Variants in BRD2 observed in about 807,000 individuals in gnomAD.
The protein encoded by BRD2 is bromodomain-containing protein 2.
BRD2 carries 15 observed loss-of-function variants against 79.1 expected under a neutral mutation model. The ratio of observed to expected loss-of-function variants is 0.19; its 90% CI spans 0.13 to 0.29. The LOEUF (loss-of-function observed/expected upper bound fraction) is 0.29. BRD2 is among the 10% of genes least tolerant of loss of function. The probability of loss-of-function intolerance (pLI) is 1.00; values close to 1 mark genes in which losing one functional copy is unlikely to be tolerated. For missense variants in BRD2, 1,053 were observed against 991.3 expected (o/e 1.06, Z -0.84); for synonymous variants, 488 against 358.6 (o/e 1.36, Z -4.08).
chr6:32,972,406 T>G lies in BRD2; in HGVS notation c.-493T>G. The G allele has an allele frequency of 3.5e-6, 1 of 288,666 alleles. No individual in the cohort carries two copies. 17.9% of individuals were successfully genotyped at this position (288,666 alleles called of 1,614,324 possible). A position where few individuals can be genotyped will look rare whatever the true frequency, so the allele number is the denominator to read the frequency against. Reference sequence around the variant, plus strand: ...CTCCCCTTTTTCGGGCCCCGCCCAATCCTCGGAGTCTGTCCACCCCCTCTA... The same window carrying G: ...CTCCCCTTTTTCGGGCCCCGCCCAAGCCTCGGAGTCTGTCCACCCCCTCTA... On this transcript the variant is annotated 5_prime_UTR_variant, in exon 2 of 13. Coordinates refer to ENST00000374825, the MANE Select transcript of BRD2 (RefSeq NM_005104.4).
intron 10 of BRD2, 188 bp downstream of exon 10, chr6:32,978,576 T>C: frequency 1.6e-5 from 15 of 935,236 alleles, no homozygotes; most frequent in Non-Finnish European, 2.0e-5. Flanking sequence ...AGACAGGGTT[T>C]GAGGGGATGG....
chr6:32,969,472 A>C, intron 1 of BRD2: 1 of 621,956 alleles, frequency 1.6e-6, no homozygotes, highest in Non-Finnish European at 3.0e-6. Context: ...CATGTTGTGA[A>C]CTGAGGTTGT....
chr6:32,972,333 T>C lies in BRD2; in HGVS notation c.-566T>C. On this transcript the variant is annotated 5_prime_UTR_variant, in exon 2 of 13. Transcript: ENST00000374825. Reference sequence around the variant, plus strand: ...CTTGGAAATGGCCTTCGTCCCGGCCTATGACTGGTCCCAGCGGGCAGTACA... The same window carrying C: ...CTTGGAAATGGCCTTCGTCCCGGCCCATGACTGGTCCCAGCGGGCAGTACA... The C allele has an allele frequency of 2.7e-6, 1 of 376,440 alleles. No individual in the cohort carries two copies. Among genetic ancestry groups the C allele is most frequent in the Non-Finnish European group, 5.1e-6 (1 of 196,914 alleles). 23.3% of individuals were successfully genotyped at this position (376,440 alleles called of 1,614,324 possible). A position where few individuals can be genotyped will look rare whatever the true frequency, so the allele number is the denominator to read the frequency against.
chr6:32,976,361 C>T lies in BRD2; in HGVS notation c.722C>T (p.Pro241Leu). ...ATACCTACCACTGTCCTCAACATTCCCCACCCATCAGTCATTTCCTCTCCA... is the reference window on the plus strand; with the variant it reads ...ATACCTACCACTGTCCTCAACATTCTCCACCCATCAGTCATTTCCTCTCCA... ...PEIPTTVLNI[P>L]HPSVISSPLL... Residue 241 changes from proline (P) to leucine (L), a missense_variant, in exon 6 of 13, where the codon CCC (proline) becomes CTC (leucine). Physicochemically the swap from Pro to Leu is moderately conservative, Grantham distance 98. Around this residue, in one of 5 missense-constraint regions of BRD2, gnomAD observed 413 missense variants for 335.1 expected, o/e 1.23. Coordinates refer to ENST00000374825, the MANE Select transcript of BRD2 (RefSeq NM_005104.4). 6.2e-7 allele frequency: 1 copy of T among 1,613,048 alleles called. No individual in the cohort carries two copies. The highest frequency in any genetic ancestry group is 8.5e-7 in the Non-Finnish European group (1 of 1,180,038).
In BRD2 at chr6:32,977,465, C is replaced by T; in HGVS notation, c.1224C>T (p.Tyr408=). 3 of 1,613,974 alleles carry T rather than the reference C, an allele frequency of 1.9e-6. No individual in the cohort carries two copies. Among genetic ancestry groups the T allele is most frequent in the Non-Finnish European group, 2.5e-6 (3 of 1,180,038 alleles). ...AGCGGAAGATGGAGAACCGTGATTA[C>T]CGGGATGCACAGGAGTTTGCTGCTG... ...TVKRKMENRD[Y]RDAQEFAADV... is the part of the protein sequence containing the mutation. The change falls in exon 8 of 13, where the codon TAC becomes TAT. Residue 408 remains tyrosine, a synonymous_variant. Coordinates refer to ENST00000374825, the MANE Select transcript of BRD2 (RefSeq NM_005104.4).
At chr6:32,977,304 C>G in intron 7 of BRD2, 138 bp from the exon 8 acceptor site, 1 of 1,598,852 alleles carries the variant, frequency 6.3e-7, no homozygotes, top group African/African-American at 1.3e-5. Flanking sequence ...TGACTTCAAA[C>G]TTGAACCCCA....
At chr6:32,974,364 C>T (rs887676629) in intron 2 of BRD2, 98 bp from the exon 3 acceptor site, 25 of 1,287,764 alleles carry the variant, frequency 1.9e-5, no homozygotes, top group South Asian at 4.2e-5. Flanking sequence ...GCTTAACCAC[C>T]TCACTAGGGC....
chr6:32,979,220 T>C, intron 10 of BRD2: 1 of 160,700 alleles, frequency 6.2e-6, no homozygotes, highest in Non-Finnish European at 1.4e-5. Flanking sequence ...CCCAGCTAAT[T>C]TTTGTATTTT....
Position 32,971,730 on chromosome 6 carries a change from C to T in BRD2, c.-1169C>T. The T allele has an allele frequency of 1.8e-6, 1 of 568,162 alleles. No homozygotes were observed. The highest frequency in any genetic ancestry group is 3.1e-6 in the Non-Finnish European group (1 of 321,726). The allele number at this position is 568,162 out of a possible 1,614,324, so 35.2% of individuals were successfully genotyped here. A position where few individuals can be genotyped will look rare whatever the true frequency, so the allele number is the denominator to read the frequency against. On this transcript the variant is annotated 5_prime_UTR_variant, in exon 2 of 13. It adds an upstream start codon to the 5' untranslated region. Transcript: ENST00000374825. ...CCTGCTTTGGCCAATGGAGGAGCTA[C>T]GAATGGCACGACCTGCTCGAGCTTG...
intron 2 of BRD2, among the ~76,000 whole-genome samples, 186 bp from the exon 3 acceptor site, chr6:32,974,276 A>G (rs946878293): frequency 6.6e-6 from 1 of 152,198 alleles, no homozygotes; most frequent in Non-Finnish European, 1.5e-5. Flanking sequence ...AAATATTAAT[A>G]AAAGGAAGGC....
chr6:32,977,727 G>T, intron 8 of BRD2, 30 bp from the exon 9 acceptor site: 2 of 1,612,336 alleles, frequency 1.2e-6, no homozygotes, highest in Non-Finnish European at 1.7e-6. Context: ...CTGTTTATCA[G>T]CATAGTTTTG....
At chr6:32,979,546 G>GT in intron 10 of BRD2, 1 of 444,652 alleles carries the variant, frequency 2.2e-6, no homozygotes, top group South Asian at 4.6e-5. Flanking sequence ...TCTTTCAACA[G>GT]TTTTTCCAAC....
rs1778060755 is a variant in BRD2 at position 32,972,072 on chromosome 6, T to A, written c.-827T>A. 1.4e-6 allele frequency: 1 copy of A among 697,714 alleles called. No individual in the cohort carries two copies. Among genetic ancestry groups the A allele is most frequent in the Non-Finnish European group, 2.6e-6 (1 of 382,660 alleles). 43.2% of individuals were successfully genotyped at this position (697,714 alleles called of 1,614,324 possible). ...TTCCTTCCCCTTCGACTCAGCTTCT[T>A]CACCCGCGTGAGCGAGCGCGCGCGC... On this transcript the variant is annotated 5_prime_UTR_variant, in exon 2 of 13. Coordinates refer to ENST00000374825, the MANE Select transcript of BRD2 (RefSeq NM_005104.4).
chr6:32,975,285 G>GGTGTGTGT (rs61324180), intron 3 of BRD2, 99 bp from the exon 4 acceptor site: 3 of 692,626 alleles, frequency 4.3e-6, no homozygotes, highest in African/African-American at 1.9e-5. Flanking sequence ...GCATAGGGGG[G>GGTGTGTGT]GTGTGTGTGT....
chr6:32,972,175 G>C lies in BRD2; in HGVS notation c.-724G>C. The C allele has an allele frequency of 1.7e-6, 1 of 583,978 alleles. No homozygotes were observed. The highest frequency in any genetic ancestry group is 3.1e-6 in the Non-Finnish European group (1 of 322,638). The allele number at this position is 583,978 out of a possible 1,614,324, so 36.2% of individuals were successfully genotyped here. On this transcript the variant is annotated 5_prime_UTR_variant, in exon 2 of 13. Transcript: ENST00000374825. ...CTCCTCCTCCCCGCCTATATATAAA[G>C]GGCTGGCGCGGGGCTCGGCGGCGCC... is the stretch of plus-strand genomic sequence containing the variant.
Position 32,972,875 on chromosome 6 carries a change from C to G in BRD2, c.-24C>G. On this transcript the variant is annotated 5_prime_UTR_variant, in exon 2 of 13. Transcript: ENST00000374825. Reference sequence around the variant, plus strand: ...CACCCGGACTTTCCGCGGCTGAGGGCAGCGCCGGTTCCTTGCGGTCAAGAT... The same window carrying G: ...CACCCGGACTTTCCGCGGCTGAGGGGAGCGCCGGTTCCTTGCGGTCAAGAT... 1 of 1,613,964 alleles carries G rather than the reference C, an allele frequency of 6.2e-7. No homozygotes were observed. Among genetic ancestry groups the G allele is most frequent in the Non-Finnish European group, 8.5e-7 (1 of 1,179,978 alleles).
chr6:32,977,626 T>C (rs369497343), intron 8 of BRD2, 56 bp downstream of exon 8: 9 of 1,607,748 alleles, frequency 5.6e-6, no homozygotes, highest in African/African-American at 4.0e-5. Context: ...TATTTTGTCA[T>C]GTGTGCTGCA....
rs1269164581 is a variant in BRD2, at chr6:32,971,957, C to T, written c.-942C>T. 3 of 702,978 alleles carry T rather than the reference C, an allele frequency of 4.3e-6. No homozygotes were observed. Among genetic ancestry groups the T allele is most frequent in the Non-Finnish European group, 7.8e-6 (3 of 384,980 alleles). 43.5% of individuals were successfully genotyped at this position (702,978 alleles called of 1,614,324 possible). A position where few individuals can be genotyped will look rare whatever the true frequency, so the allele number is the denominator to read the frequency against. On this transcript the variant is annotated 5_prime_UTR_variant, in exon 2 of 13. Transcript: ENST00000374825. ...CACTTCCCTGTGGGTCTCTGCGGCA[C>T]TCTTCTGCCTGGTGACTGACACCTT...
rs1205854822 is a variant in BRD2 at position 32,968,777 on chromosome 6, A to G, written c.-1584A>G. 2 of 148,378 alleles carry G rather than the reference A, an allele frequency of 1.3e-5. No individual in the cohort carries two copies. Among genetic ancestry groups the G allele is most frequent in the Admixed American group, 6.7e-5 (1 of 14,976 alleles). The allele number at this position is 148,378 out of a possible 1,614,324, so 9.2% of individuals were successfully genotyped here. ...TGGCCCCTTGGCGCGACCCCCAGGA[A>G]CGTTCGGAAAGCTGGTCCTCGTGGC... is the stretch of plus-strand genomic sequence containing the variant. On this transcript the variant is annotated 5_prime_UTR_variant, in exon 1 of 13. Coordinates refer to ENST00000374825, the MANE Select transcript of BRD2 (RefSeq NM_005104.4).
Sources: allele counts gnomAD v4.1 joint callset (sites outside exome capture counted in the v4.1 genomes callset), GRCh38; gene constraint gnomAD v4.1.1; regional missense constraint gnomAD v4.1.1; transcripts MANE v1.5; gene names NCBI Gene and HGNC (gene_info 2026-07-23, HGNC 2026-07-21).